The following ABCC3 variants were observed in gnomAD, a reference collection of about 807,000 sequenced individuals.
ABCC3 encodes the protein ATP-binding cassette sub-family C member 3.
Under a neutral mutation model 165.3 loss-of-function variants are expected in ABCC3, and 121 were observed. The observed-to-expected ratio is 0.73, with a 90% CI of 0.63 to 0.85. ABCC3 has a LOEUF of 0.85. Among genes scored for constraint, ABCC3 ranks in the 40% least tolerant of loss-of-function variants. The pLI is 0.00. For missense variants in ABCC3, 1,869 were observed against 1,964.1 expected (o/e 0.95, Z 0.92); for synonymous variants, 733 against 810.1 (o/e 0.90, Z 1.62).
rs373837222 is a variant in ABCC3, at chr17:50,660,087, G to A, written c.806+719G>A. On this transcript the variant is annotated intron_variant, in intron 7 of 30. Transcript: ENST00000285238. Reference sequence around the variant, plus strand: ...GTGGCAGAGCTGGAATCCACATGGAGCCGGCTGGCCCCAGAGGTTCTCCTC... The same window carrying A: ...GTGGCAGAGCTGGAATCCACATGGAACCGGCTGGCCCCAGAGGTTCTCCTC... 3.5e-3 allele frequency among the ~76,000 whole-genome samples: 536 copies of A among 152,292 alleles called. 4 individuals are homozygous for A. In the South Asian group the frequency reaches 0.038, roughly 11 times the overall value.
Position 50,668,530 on chromosome 17 carries a change from C to T in ABCC3, c.1870+13C>T. ...ACCATCTCCCCAGGTCTAGAGAGCC[C>T]CTACCTGGGCTGCCTGCCCCAGTCC... is the stretch of plus-strand genomic sequence containing the variant. On this transcript the variant is annotated intron_variant, in intron 14 of 30. Coordinates refer to ENST00000285238, the MANE Select transcript of ABCC3 (RefSeq NM_003786.4). 6.2e-7 allele frequency: 1 copy of T among 1,602,772 alleles called. No homozygotes were observed. The highest frequency in any genetic ancestry group is 8.5e-7 in the Non-Finnish European group (1 of 1,171,654).
chr17:50,666,425 C>A (rs1057356730), intron 11 of ABCC3, among the ~76,000 whole-genome samples: 1 of 152,094 alleles, frequency 6.6e-6, no homozygotes, highest in Non-Finnish European at 1.5e-5. Flanking sequence ...GAGCCAAGAT[C>A]GCGCCATTGC....
At chr17:50,652,728 T>A (rs934322676) in intron 1 of ABCC3, among the ~76,000 whole-genome samples, 53 of 152,208 alleles carry the variant, frequency 3.5e-4, no homozygotes, top group Non-Finnish European at 7.3e-5. Flanking sequence ...CCCAGACTCC[T>A]TAGATTTGGA....
chr17:50,638,567 C>T (rs73342284), intron 1 of ABCC3, among the ~76,000 whole-genome samples: 2,132 of 152,248 alleles, frequency 0.014, 45 homozygotes, highest in African/African-American at 0.048. Context: ...TTCATTAGTT[C>T]CTCCTCTGAG....
At chr17:50,643,000 T>C (rs1363215243) in intron 1 of ABCC3, among the ~76,000 whole-genome samples, 1 of 152,220 alleles carries the variant, frequency 6.6e-6, no homozygotes, top group Non-Finnish European at 1.5e-5. Context: ...CCCTGGAAGT[T>C]GTTCTGAGAC....
chr17:50,661,163 T>TATA, intron 8 of ABCC3, 49 bp downstream of exon 8: 1 of 1,507,026 alleles, frequency 6.6e-7, no homozygotes, highest in South Asian at 1.3e-5. Context: ...GCAGCAGGGC[T>TATA]GGCTGGCTAG....
At chr17:50,668,728 C>A in intron 14 of ABCC3, 125 bp from the exon 15 acceptor site, 1 of 862,258 alleles carries the variant, frequency 1.2e-6, no homozygotes, top group Non-Finnish European at 1.9e-6. Flanking sequence ...TCCCTTTTCC[C>A]AAGGATCCCC....
chr17:50,683,720 G>A lies in ABCC3; in HGVS notation c.3918G>A (p.Leu1306=). 6.2e-7 allele frequency: 1 copy of A among 1,607,256 alleles called. No individual in the cohort carries two copies. Among genetic ancestry groups the A allele is most frequent in the Non-Finnish European group, 8.5e-7 (1 of 1,177,552 alleles). The change falls in exon 27 of 31, where the codon CTG becomes CTA. Residue 1306 remains leucine, a synonymous_variant. Coordinates refer to ENST00000285238, the MANE Select transcript of ABCC3 (RefSeq NM_003786.4). The stretch of plus-strand genomic sequence containing the variant: ...ACCGGCCGGGCCTAGACCTGGTGCT[G>A]AGAGACCTGAGTCTGCATGTGCACG... ...VRYRPGLDLV[L]RDLSLHVHGG... is the part of the protein sequence containing the mutation.
chr17:50,673,242 G>T, intron 18 of ABCC3, 104 bp downstream of exon 18: 1 of 1,450,636 alleles, frequency 6.9e-7, no homozygotes, highest in Non-Finnish European at 9.3e-7. Flanking sequence ...GGTGTGGGGG[G>T]CGCAAGAAGT....
chr17:50,683,804 A>G lies in ABCC3; in HGVS notation c.3954+48A>G, dbSNP rs781094052. The G allele has an allele frequency of 3.4e-5, 53 of 1,579,226 alleles. No homozygotes were observed. In the South Asian group the frequency reaches 5.5e-4, roughly 16 times the overall value. ...TGCGTGTGTGTTCATGCCTGCAGAC[A>G]TGGCCACAGCCCTTGTGGGGAGCTT... is the stretch of plus-strand genomic sequence containing the variant. On this transcript the variant is annotated intron_variant, in intron 27 of 30. Transcript: ENST00000285238.
chr17:50,659,181 G>A (rs1597848591), intron 6 of ABCC3, 56 bp from the exon 7 acceptor site: 1 of 1,594,158 alleles, frequency 6.3e-7, no homozygotes, highest in Admixed American at 1.7e-5. Context: ...CTTGGCTCCA[G>A]GCTGCTAAAC....
chr17:50,674,072 C>T (rs1371584756), intron 19 of ABCC3: 4 of 112,450 alleles, frequency 3.6e-5, no homozygotes, highest in Non-Finnish European at 5.3e-5. Context: ...TTCTTTCTTT[C>T]TTTTTTTTCT....
chr17:50,651,027 T>C (rs1434640125), intron 1 of ABCC3, among the ~76,000 whole-genome samples: 1 of 132,418 alleles, frequency 7.6e-6, no homozygotes, highest in Non-Finnish European at 1.5e-5. Context: ...ATTGAGCCAC[T>C]GCACTCCAGC....
In ABCC3 at chr17:50,659,270, G is replaced by A. The variant is rs1304281559; in HGVS notation, c.708G>A (p.Glu236=). The A allele has an allele frequency of 2.5e-6, 4 of 1,613,842 alleles. No homozygotes were observed. Among genetic ancestry groups the A allele is most frequent in the Middle Eastern group, 1.7e-4 (1 of 6,058 alleles). Residue 236 remains glutamate (E), a synonymous_variant, in exon 7 of 31, where the codon GAG becomes GAA. Transcript: ENST00000285238. ...TCTATGGCTACCGGCATCCCCTGGA[G>A]GAGAAGGACCTCTGGTCCCTAAAGG... ...MAIYGYRHPL[E]EKDLWSLKEE...
intron 4 of ABCC3, among the ~76,000 whole-genome samples, chr17:50,657,853 A>G (rs1381992372): frequency 6.6e-6 from 1 of 152,216 alleles, no homozygotes. Flanking sequence ...TCATGTAGGT[A>G]AGGTGATGGC....
At chr17:50,687,506 G>A (rs1968043159) in intron 29 of ABCC3, 30 bp from the exon 30 acceptor site, 2 of 1,603,122 alleles carry the variant, frequency 1.2e-6, no homozygotes, top group East Asian at 2.2e-5. Context: ...GAGGCCCCCA[G>A]CTGGAAATGC....
At chr17:50,648,492 T>C (rs937673801) in intron 1 of ABCC3, among the ~76,000 whole-genome samples, 2 of 152,206 alleles carry the variant, frequency 1.3e-5, no homozygotes, top group Non-Finnish European at 2.9e-5. Flanking sequence ...GTCTGCATAC[T>C]GAAGGATAGA....
At chr17:50,647,499 T>C (rs1967024246) in intron 1 of ABCC3, among the ~76,000 whole-genome samples, 1 of 152,182 alleles carries the variant, frequency 6.6e-6, no homozygotes, top group Non-Finnish European at 1.5e-5. Context: ...TTTGAGCTGT[T>C]GATCTGGATT....
At chr17:50,659,443 C>T (rs1967331318) in intron 7 of ABCC3, 75 bp downstream of exon 7, 1 of 1,511,234 alleles carries the variant, frequency 6.6e-7, no homozygotes, top group Non-Finnish European at 8.9e-7. Context: ...GCTGGTAGAC[C>T]TTGGAGGGCG....
Sources: allele counts gnomAD v4.1 joint callset (sites outside exome capture counted in the v4.1 genomes callset), GRCh38; gene constraint gnomAD v4.1.1; transcripts MANE v1.5; gene names NCBI Gene and HGNC (gene_info 2026-07-23, HGNC 2026-07-21).